Variants in JARID2 observed in about 807,000 individuals in gnomAD.
The protein encoded by JARID2 is protein Jumonji.
In JARID2, 21 loss-of-function variants were observed where a neutral mutation model predicts 125.6. The observed-to-expected ratio is 0.17, with a 90% CI of 0.12 to 0.24. The LOEUF (loss-of-function observed/expected upper bound fraction) is 0.24, where lower values mean the gene tolerates loss of function less well. Ranked by LOEUF, JARID2 falls within the 10% of genes least tolerant of loss-of-function variation. JARID2 has a pLI of 1.00. For synonymous variants in JARID2, 736 were observed against 661.6 expected (o/e 1.11, Z -1.73); for missense variants, 1,303 against 1,639.6 (o/e 0.79, Z 3.55).
intron 5 of JARID2, among the ~76,000 whole-genome samples, chr6:15,478,617 C>T (rs538109628): frequency 5.9e-5 from 9 of 152,126 alleles, no homozygotes; most frequent in African/African-American, 2.2e-4. Flanking sequence ...GAACTCTTAT[C>T]ACTGACTTCA....
chr6:15,301,493 A>G (rs1159946081), intron 1 of JARID2, among the ~76,000 whole-genome samples: 2 of 152,030 alleles, frequency 1.3e-5, no homozygotes, highest in Admixed American at 1.3e-4. Context: ...TTATTTATTG[A>G]CTGTGGAGGT....
chr6:15,472,392 C>A (rs1769120453), intron 5 of JARID2, among the ~76,000 whole-genome samples: 1 of 152,174 alleles, frequency 6.6e-6, no homozygotes, highest in South Asian at 2.1e-4. Context: ...ACAAACCTTT[C>A]TGTGCTTCCT....
In JARID2 at chr6:15,521,155, T is replaced by C. The variant is rs1404062980; in HGVS notation, c.*904T>C. 6.2e-6 allele frequency: 1 copy of C among 160,584 alleles called. No homozygotes were observed. Among genetic ancestry groups the C allele is most frequent in the Non-Finnish European group, 1.4e-5 (1 of 73,092 alleles). The allele number at this position is 160,584 out of a possible 1,614,324, so 9.9% of individuals were successfully genotyped here. Reference sequence around the variant, plus strand: ...CATCGACGTGCAATCTTTCTAACATTCCATCTCCATCTCACCGCTTCTTGT... The same window carrying C: ...CATCGACGTGCAATCTTTCTAACATCCCATCTCCATCTCACCGCTTCTTGT... On this transcript the variant is annotated 3_prime_UTR_variant, in exon 18 of 18. Transcript: ENST00000341776.
At chr6:15,511,051 G>A (rs996930132) in intron 12 of JARID2, among the ~76,000 whole-genome samples, 1 of 152,220 alleles carries the variant, frequency 6.6e-6, no homozygotes, top group Non-Finnish European at 1.5e-5. Context: ...CTCCATAAAA[G>A]ATGAGCATCT....
intron 1 of JARID2, among the ~76,000 whole-genome samples, chr6:15,350,917 T>C (rs1389542361): frequency 6.6e-6 from 1 of 151,722 alleles, no homozygotes; most frequent in Non-Finnish European, 1.5e-5. Flanking sequence ...TTATGTTAGG[T>C]CCTCAAGGAT....
chr6:15,318,083 G>A lies in JARID2; in HGVS notation c.46-56034G>A, dbSNP rs144142700. Among the ~76,000 whole-genome samples the A allele has an allele frequency of 2.0e-3, 308 of 152,340 alleles. 2 individuals are homozygous for A. Among genetic ancestry groups the A allele is most frequent in the African/African-American group, 7.0e-3 (290 of 41,578 alleles). ...GAGTGATTAAAGCATGGTGGCGCAT[G>A]CCTGTAGTCCCAGCTACTGGGGAGG... On this transcript the variant is annotated intron_variant, in intron 1 of 17. Transcript: ENST00000341776.
chr6:15,429,768 C>T (rs558465717), intron 3 of JARID2, among the ~76,000 whole-genome samples: 3 of 152,110 alleles, frequency 2.0e-5, no homozygotes, highest in South Asian at 2.1e-4. Context: ...TGATACATAC[C>T]GTTTTGTCTC....
chr6:15,263,740 C>T (rs1156972070), intron 1 of JARID2, among the ~76,000 whole-genome samples: 1 of 152,026 alleles, frequency 6.6e-6, no homozygotes, highest in African/African-American at 2.4e-5. Context: ...TTACAGGCAC[C>T]CGCCACCACG....
At chr6:15,338,304 C>G (rs1762949228) in intron 1 of JARID2, among the ~76,000 whole-genome samples, 1 of 152,202 alleles carries the variant, frequency 6.6e-6, no homozygotes. Context: ...CCACTCCCAG[C>G]TTATACTCCT....
chr6:15,472,428 C>T (rs1226588584), intron 5 of JARID2, among the ~76,000 whole-genome samples: 1 of 152,146 alleles, frequency 6.6e-6, no homozygotes, highest in East Asian at 1.9e-4. Flanking sequence ...GATAACCAAA[C>T]TGAAAGGCCT....
intron 3 of JARID2, among the ~76,000 whole-genome samples, chr6:15,420,576 C>T (rs1766441476): frequency 6.6e-6 from 1 of 152,090 alleles, no homozygotes; most frequent in Admixed American, 6.5e-5. Context: ...ATTAATCTTC[C>T]TCCTCATCAG....
intron 1 of JARID2, among the ~76,000 whole-genome samples, chr6:15,350,737 T>G (rs1581443236): frequency 6.6e-6 from 1 of 151,800 alleles, no homozygotes; most frequent in South Asian, 2.1e-4. Flanking sequence ...AAGGTTTTTT[T>G]TTTTTTTTTT....
At chr6:15,289,188 AG>A (rs1761110711) in intron 1 of JARID2, among the ~76,000 whole-genome samples, 1 of 152,174 alleles carries the variant, frequency 6.6e-6, no homozygotes, top group African/African-American at 2.4e-5. Context: ...GGAAGCATCG[AG>A]GGACACAAGA....
intron 16 of JARID2, among the ~76,000 whole-genome samples, chr6:15,513,882 T>A (rs9654600): frequency 0.12 from 17,556 of 152,316 alleles, 1,234 homozygotes; most frequent in East Asian, 0.23. Context: ...TTCCTGGTCC[T>A]GCTCAGCTAC....
At chr6:15,428,428 A>C (rs1305237219) in intron 3 of JARID2, among the ~76,000 whole-genome samples, 1 of 151,668 alleles carries the variant, frequency 6.6e-6, no homozygotes, top group Non-Finnish European at 1.5e-5. Context: ...CCCTCCCGCC[A>C]CCCCACAACA....
At chr6:15,302,770 T>C (rs1225623544) in intron 1 of JARID2, among the ~76,000 whole-genome samples, 1 of 152,204 alleles carries the variant, frequency 6.6e-6, no homozygotes, top group Non-Finnish European at 1.5e-5. Context: ...AGTCTTGCTA[T>C]GTCGCCCAGG....
intron 1 of JARID2, among the ~76,000 whole-genome samples, chr6:15,270,387 C>T (rs1760250406): frequency 6.6e-6 from 1 of 152,214 alleles, no homozygotes; most frequent in African/African-American, 2.4e-5. Flanking sequence ...CCGCCTTGGC[C>T]TCCCAAAGTG....
intron 3 of JARID2, among the ~76,000 whole-genome samples, chr6:15,448,351 T>A (rs1767765924): frequency 6.6e-6 from 1 of 152,220 alleles, no homozygotes; most frequent in Admixed American, 6.5e-5. Flanking sequence ...TTGTAAAATA[T>A]CTCACAGTGT....
chr6:15,376,591 G>A (rs1230493965), intron 2 of JARID2, among the ~76,000 whole-genome samples: 1 of 152,098 alleles, frequency 6.6e-6, no homozygotes, highest in Non-Finnish European at 1.5e-5. Flanking sequence ...AGGCATGGTG[G>A]CACATGCCTC....
Sources: allele counts gnomAD v4.1 joint callset (sites outside exome capture counted in the v4.1 genomes callset), GRCh38; gene constraint gnomAD v4.1.1; transcripts MANE v1.5; gene names NCBI Gene and HGNC (gene_info 2026-07-23, HGNC 2026-07-21).